Variants in FARP2 observed in about 807,000 individuals in gnomAD.
FARP2 encodes FERM, ARHGEF and pleckstrin domain-containing protein 2.
Under a neutral mutation model 130.5 loss-of-function variants are expected in FARP2, and 111 were observed. That is an observed-to-expected ratio of 0.85 (90% CI 0.73 to 1.00). FARP2 has a LOEUF of 1.00. FARP2 is among the 50% of genes least tolerant of loss of function. The pLI is 0.00. For missense variants in FARP2, 1,385 were observed against 1,346.3 expected (o/e 1.03, Z -0.45); for synonymous variants, 504 against 516.9 (o/e 0.98, Z 0.34).
chr2:241,406,198 C>T (rs2062339929), intron 4 of FARP2, among the ~76,000 whole-genome samples: 2 of 151,338 alleles, frequency 1.3e-5, no homozygotes, highest in African/African-American at 4.9e-5. Flanking sequence ...GTCCCAGCTA[C>T]TCAGGAGGCT....
chr2:241,477,123 CTTTTTTT>C lies in FARP2; in HGVS notation c.2262+1151_2262+1157del, dbSNP rs71406462. Among the ~76,000 whole-genome samples, 432 of 122,634 alleles carry C rather than the reference CTTTTTTT, an allele frequency of 3.5e-3. 3 individuals carry two copies. The highest frequency in any genetic ancestry group is 0.013 in the African/African-American group (419 of 32,594). The allele number at this position is 122,634 out of a possible 152,430, so 80.5% of individuals were successfully genotyped here. On this transcript the variant is annotated intron_variant, in intron 19 of 26. Coordinates refer to ENST00000264042, the MANE Select transcript of FARP2 (RefSeq NM_014808.4). ...ATCTTTTCAAGGTTCATTCATGTTC[CTTTTTTT>C]TTTTTTTTTTTTTTATTTGAGACAG...
At chr2:241,368,558 G>C (rs931840191) in intron 1 of FARP2, among the ~76,000 whole-genome samples, 3 of 152,138 alleles carry the variant, frequency 2.0e-5, no homozygotes, top group African/African-American at 7.2e-5. Context: ...CTCCCGAGTA[G>C]CTGGGATTGA....
chr2:241,359,777 T>C (rs2061143847), intron 1 of FARP2, among the ~76,000 whole-genome samples: 1 of 152,216 alleles, frequency 6.6e-6, no homozygotes, highest in South Asian at 2.1e-4. Flanking sequence ...ACGATGGGGT[T>C]GAGGCCGCTT....
rs746196993 is a variant in FARP2 at position 241,490,002 on chromosome 2, T to G, written c.2462T>G (p.Phe821Cys). The G allele has an allele frequency of 6.2e-7, 1 of 1,614,042 alleles. No individual in the cohort carries two copies. Among genetic ancestry groups the G allele is most frequent in the Admixed American group, 1.7e-5 (1 of 60,024 alleles). The change falls in exon 22 of 27, where the codon TTC (phenylalanine) becomes TGC (cysteine). Residue 821 changes from phenylalanine (F) to cysteine (C), a missense_variant. Physicochemically the swap from Phe to Cys is radical, Grantham distance 205. Coordinates refer to ENST00000264042, the MANE Select transcript of FARP2 (RefSeq NM_014808.4). ...AACGAGTGGTCTGTTCCACACTGTT[T>G]CACCATCTACGCGGCTCAGAAAACA... ...SDNEWSVPHC[F>C]TIYAAQKTIV...
intron 5 of FARP2, among the ~76,000 whole-genome samples, chr2:241,410,330 T>G (rs551227079): frequency 5.3e-5 from 8 of 152,310 alleles, no homozygotes; most frequent in African/African-American, 1.9e-4. Context: ...TTTATGTGAC[T>G]AACAGAAGTA....
chr2:241,486,693 CATT>C (rs2064761986), intron 21 of FARP2, among the ~76,000 whole-genome samples: 1 of 152,126 alleles, frequency 6.6e-6, no homozygotes, highest in South Asian at 2.1e-4. Flanking sequence ...AGGACTGTAA[CATT>C]GTTGGATCTC....
At chr2:241,406,766 T>C (rs2062364168) in intron 4 of FARP2, among the ~76,000 whole-genome samples, 1 of 150,868 alleles carries the variant, frequency 6.6e-6, no homozygotes, top group Non-Finnish European at 1.5e-5. Flanking sequence ...ACCCAGCCTA[T>C]TTAAATTTTT....
rs539418026 is a variant in FARP2 at position 241,487,928 on chromosome 2, T to G, written c.2422-2034T>G. 4.0e-5 allele frequency among the ~76,000 whole-genome samples: 6 copies of G among 151,810 alleles called. No homozygotes were observed. The South Asian group carries it at 1.3e-3, about 32-fold the overall frequency. ...ACGCCTGGCTAATTTTTTGTATTTT[T>G]TAGTAGAGACGGGGTTTCACCGTGT... On this transcript the variant is annotated intron_variant, in intron 21 of 26. Coordinates refer to ENST00000264042, the MANE Select transcript of FARP2 (RefSeq NM_014808.4).
chr2:241,370,276 G>A (rs2061396732), intron 1 of FARP2, among the ~76,000 whole-genome samples: 2 of 152,160 alleles, frequency 1.3e-5, no homozygotes, highest in African/African-American at 4.8e-5. Context: ...GCTTGTATAA[G>A]GATACAAAAC....
Position 241,493,994 on chromosome 2 carries a change from G to A in FARP2, c.3048-14G>A, listed in dbSNP as rs369845140. The A allele has an allele frequency of 6.2e-5, 85 of 1,366,228 alleles. 1 individual carries two copies. In the East Asian group the frequency reaches 7.2e-4, roughly 12 times the overall value. The allele number at this position is 1,366,228 out of a possible 1,614,324, so 84.6% of individuals were successfully genotyped here. A position where few individuals can be genotyped will look rare whatever the true frequency, so the allele number is the denominator to read the frequency against. ...AAGATGGCTCACTGGTCTGATGGCC[G>A]CCCTCTCCTCCAGGTGGATGGAGGT... is the stretch of plus-strand genomic sequence containing the variant. On this transcript the variant is annotated splice_polypyrimidine_tract_variant and intron_variant, in intron 26 of 26. Coordinates refer to ENST00000264042, the MANE Select transcript of FARP2 (RefSeq NM_014808.4).
chr2:241,442,330 C>T (rs916178164), intron 13 of FARP2: 2 of 456,622 alleles, frequency 4.4e-6, no homozygotes, highest in African/African-American at 4.0e-5. Context: ...GTTAGAGCAG[C>T]TCAGCTACCC....
At chr2:241,359,592 T>C (rs886465236) in intron 1 of FARP2, among the ~76,000 whole-genome samples, 4 of 152,226 alleles carry the variant, frequency 2.6e-5, no homozygotes, top group African/African-American at 9.7e-5. Context: ...CCACCTGGTC[T>C]CCTGTTCCCC....
At chr2:241,396,170 T>C (rs2062022736) in intron 2 of FARP2, among the ~76,000 whole-genome samples, 1 of 151,796 alleles carries the variant, frequency 6.6e-6, no homozygotes, top group Non-Finnish European at 1.5e-5. Flanking sequence ...TTACACCTTA[T>C]ACAAAAATTA....
chr2:241,452,293 C>G (rs1259339815), intron 13 of FARP2, among the ~76,000 whole-genome samples: 1 of 152,160 alleles, frequency 6.6e-6, no homozygotes, highest in Non-Finnish European at 1.5e-5. Context: ...TAAACCTGTT[C>G]CCCAGGGATA....
Position 241,413,386 on chromosome 2 carries a change from C to T in FARP2, c.588C>T (p.Cys196=), listed in dbSNP as rs749127143. 6.2e-7 allele frequency: 1 copy of T among 1,611,920 alleles called. No individual in the cohort carries two copies. Among genetic ancestry groups the T allele is most frequent in the Admixed American group, 1.7e-5 (1 of 59,786 alleles). The change falls in exon 7 of 27, where the codon TGC becomes TGT. Residue 196 remains cysteine, a synonymous_variant. Coordinates refer to ENST00000264042, the MANE Select transcript of FARP2 (RefSeq NM_014808.4). ...AGTATTTGCCTGGCCAGCAGCACTG[C>T]CTTGAGAAGATACTAGAATTCCATC... is the stretch of plus-strand genomic sequence containing the variant. ...VNEYLPGQQH[C]LEKILEFHQK... is the part of the protein sequence containing the mutation.
chr2:241,367,269 G>A (rs1261038824), intron 1 of FARP2, among the ~76,000 whole-genome samples: 2 of 152,152 alleles, frequency 1.3e-5, no homozygotes, highest in Non-Finnish European at 1.5e-5. Flanking sequence ...CAGTGTTGGT[G>A]TGTTTTTATG....
intron 9 of FARP2, among the ~76,000 whole-genome samples, chr2:241,432,869 C>A (rs943302298): frequency 6.6e-6 from 1 of 152,192 alleles, no homozygotes; most frequent in African/African-American, 2.4e-5. Context: ...AGCCCAGACA[C>A]ATTTTGGGTT....
At chr2:241,386,385 CAT>C (rs2061784122) in intron 2 of FARP2, among the ~76,000 whole-genome samples, 1 of 152,192 alleles carries the variant, frequency 6.6e-6, no homozygotes, top group African/African-American at 2.4e-5. Flanking sequence ...AGGCGCGAGT[CAT>C]TGCTCCCCGC....
At chr2:241,412,022 A>G (rs1273083605) in intron 6 of FARP2, among the ~76,000 whole-genome samples, 4 of 152,234 alleles carry the variant, frequency 2.6e-5, no homozygotes, top group African/African-American at 9.6e-5. Context: ...TCTTTTTGCT[A>G]TAAAAAACAT....
Sources: gnomAD v4.1 joint callset for allele counts (sites outside exome capture counted in the v4.1 genomes callset) on GRCh38, gnomAD v4.1.1 for gene constraint, MANE v1.5 for transcripts, NCBI Gene and HGNC (gene_info 2026-07-23, HGNC 2026-07-21) for gene names.